Variants in NRXN3 observed in about 807,000 individuals in gnomAD.
NRXN3 encodes neurexin III.
Under a neutral mutation model 137.6 loss-of-function variants are expected in NRXN3, and 32 were observed. The ratio of observed to expected loss-of-function variants is 0.23; its 90% CI spans 0.18 to 0.31. The LOEUF (loss-of-function observed/expected upper bound fraction) is 0.31, where lower values mean the gene tolerates loss of function less well. Ranked by LOEUF, NRXN3 falls within the 10% of genes least tolerant of loss-of-function variation. The pLI, the probability that NRXN3 is intolerant of heterozygous loss-of-function variation, is 1.00. For synonymous variants in NRXN3, 798 were observed against 784.5 expected (o/e 1.02, Z -0.29); for missense variants, 1,574 against 2,062.5 (o/e 0.76, Z 4.59).
intron 10 of NRXN3, among the ~76,000 whole-genome samples, chr14:78,900,687 T>A (rs902146791): frequency 9.9e-5 from 15 of 152,126 alleles, no homozygotes; most frequent in Admixed American, 2.0e-4. Flanking sequence ...AAATAAAGAT[T>A]TCCTGAGAAC....
intron 16 of NRXN3, among the ~76,000 whole-genome samples, chr14:79,469,549 A>G (rs944076819): frequency 1.3e-5 from 2 of 152,150 alleles, no homozygotes; most frequent in Non-Finnish European, 2.9e-5. Flanking sequence ...TTTTCTTTGT[A>G]TGAGCAAAAT....
intron 15 of NRXN3, among the ~76,000 whole-genome samples, chr14:79,427,119 C>A (rs1276454526): frequency 3.3e-5 from 5 of 152,006 alleles, no homozygotes; most frequent in Admixed American, 2.0e-4. Context: ...TATTGGCAAT[C>A]CTATTGACCT....
At chr14:79,593,887 C>T (rs1012788897) in intron 16 of NRXN3, among the ~76,000 whole-genome samples, 17 of 152,132 alleles carry the variant, frequency 1.1e-4, no homozygotes, top group Non-Finnish European at 2.1e-4. Context: ...GATAGCGCTG[C>T]TGGCCTGAAT....
intron 4 of NRXN3, among the ~76,000 whole-genome samples, chr14:78,481,896 T>C (rs1328950240): frequency 6.6e-6 from 1 of 152,142 alleles, no homozygotes; most frequent in Non-Finnish European, 1.5e-5. Context: ...TTTCTTGAAC[T>C]TCCCCTTATT....
chr14:78,659,091 G>C (rs2097810779), intron 6 of NRXN3, among the ~76,000 whole-genome samples: 2 of 152,080 alleles, frequency 1.3e-5, no homozygotes, highest in South Asian at 2.1e-4. Flanking sequence ...GATCAAATGA[G>C]GTCATATGGA....
chr14:79,182,562 G>C (rs1465742911), intron 15 of NRXN3, among the ~76,000 whole-genome samples: 1 of 152,148 alleles, frequency 6.6e-6, no homozygotes, highest in Non-Finnish European at 1.5e-5. Context: ...CAGAGCTCAG[G>C]CAGTAATGCG....
chr14:78,360,929 A>T (rs1016907768), intron 4 of NRXN3, among the ~76,000 whole-genome samples: 18 of 152,214 alleles, frequency 1.2e-4, no homozygotes, highest in Non-Finnish European at 2.1e-4. Context: ...AGGTACCCCA[A>T]TCCACTGAGG....
chr14:78,834,206 G>C (rs1327026643), intron 10 of NRXN3, among the ~76,000 whole-genome samples: 1 of 152,098 alleles, frequency 6.6e-6, no homozygotes, highest in African/African-American at 2.4e-5. Flanking sequence ...GAAGCTTGAG[G>C]AAACATTTAT....
intron 4 of NRXN3, among the ~76,000 whole-genome samples, chr14:78,361,333 C>A (rs1203292761): frequency 6.6e-6 from 1 of 152,128 alleles, no homozygotes; most frequent in Non-Finnish European, 1.5e-5. Context: ...ACATAAGATT[C>A]CATATTGGTA....
intron 16 of NRXN3, among the ~76,000 whole-genome samples, chr14:79,648,814 G>A (rs1323959121): frequency 6.6e-6 from 1 of 152,120 alleles, no homozygotes; most frequent in Non-Finnish European, 1.5e-5. Flanking sequence ...GTAGTTTGGT[G>A]AGCAGAGTTG....
chr14:79,178,625 T>G (rs539889171), intron 15 of NRXN3, among the ~76,000 whole-genome samples: 18 of 152,366 alleles, frequency 1.2e-4, no homozygotes, highest in Admixed American at 1.1e-3. Context: ...TAAATCTGAA[T>G]AGATGAAATC....
intron 15 of NRXN3, among the ~76,000 whole-genome samples, chr14:79,229,753 C>T (rs1015462714): frequency 9.2e-5 from 14 of 152,108 alleles, no homozygotes; most frequent in African/African-American, 3.4e-4. Flanking sequence ...GTCTTGTCCT[C>T]GTGCGTCTCT....
chr14:79,492,744 G>T (rs1418470633), intron 16 of NRXN3, among the ~76,000 whole-genome samples: 3 of 152,244 alleles, frequency 2.0e-5, no homozygotes, highest in Non-Finnish European at 4.4e-5. Context: ...TTGGTATGGT[G>T]AATTATGTAA....
At chr14:78,848,830 T>C (rs1168630238) in intron 10 of NRXN3, among the ~76,000 whole-genome samples, 2 of 152,026 alleles carry the variant, frequency 1.3e-5, no homozygotes, top group African/African-American at 4.8e-5. Flanking sequence ...CTGAATTGAG[T>C]AGCTGGGAGG....
chr14:78,470,612 T>A (rs73316478), intron 4 of NRXN3, among the ~76,000 whole-genome samples: 3,273 of 152,084 alleles, frequency 0.022, 112 homozygotes, highest in African/African-American at 0.072. Context: ...CATCTGACAT[T>A]AAGATATAAG....
chr14:78,821,274 A>G (rs1440165794), intron 10 of NRXN3, among the ~76,000 whole-genome samples: 1 of 152,190 alleles, frequency 6.6e-6, no homozygotes, highest in African/African-American at 2.4e-5. Flanking sequence ...TGCGGGCAGG[A>G]TAAAATCTAA....
At chr14:79,594,229 A>C (rs948533046) in intron 16 of NRXN3, among the ~76,000 whole-genome samples, 5 of 152,196 alleles carry the variant, frequency 3.3e-5, no homozygotes, top group Admixed American at 3.3e-4. Flanking sequence ...TATAGGACAT[A>C]AATGCATTGA....
intron 15 of NRXN3, among the ~76,000 whole-genome samples, chr14:79,056,041 A>G (rs529695259): frequency 2.0e-5 from 3 of 152,312 alleles, no homozygotes; most frequent in African/African-American, 7.2e-5. Context: ...TGGAAAATAC[A>G]TGTCGATATT....
intron 4 of NRXN3, among the ~76,000 whole-genome samples, chr14:78,505,116 A>G (rs962918607): frequency 2.0e-5 from 3 of 152,148 alleles, no homozygotes; most frequent in Non-Finnish European, 4.4e-5. Flanking sequence ...CAAACAAGCT[A>G]ATCCAGGGAG....
Sources: allele counts gnomAD v4.1 joint callset (sites outside exome capture counted in the v4.1 genomes callset), GRCh38; gene constraint gnomAD v4.1.1; transcripts MANE v1.5; gene names NCBI Gene and HGNC (gene_info 2026-07-23, HGNC 2026-07-21).